The following HS6ST3 variants were observed in gnomAD, a reference collection of about 807,000 sequenced individuals.
HS6ST3 encodes the protein heparan sulfate 6-O-sulfotransferase 3.
A neutral mutation model predicts 36.7 loss-of-function variants in HS6ST3; 12 were observed. The ratio of observed to expected loss-of-function variants is 0.33; its 90% confidence interval spans 0.21 to 0.53. HS6ST3 has a LOEUF of 0.53. HS6ST3 is among the 20% of genes least tolerant of loss of function. The probability of loss-of-function intolerance (pLI) is 0.95; values close to 1 mark genes in which losing one functional copy is unlikely to be tolerated. For synonymous variants in HS6ST3, 240 were observed against 257.5 expected (o/e 0.93, Z 0.65); for missense variants, 584 against 640.9 (o/e 0.91, Z 0.96).
chr13:96,394,032 G>C (rs537211989), intron 1 of HS6ST3, among the ~76,000 whole-genome samples: 1 of 152,106 alleles, frequency 6.6e-6, no homozygotes, highest in African/African-American at 2.4e-5. Context: ...TTTTGATAGG[G>C]TACAATTTTA....
intron 1 of HS6ST3, among the ~76,000 whole-genome samples, chr13:96,521,139 T>C (rs1483375557): frequency 6.6e-6 from 1 of 152,242 alleles, no homozygotes; most frequent in Non-Finnish European, 1.5e-5. Flanking sequence ...TCTGTTTATG[T>C]GATGAATTAT....
At chr13:96,107,304 A>T (rs955290558) in intron 1 of HS6ST3, among the ~76,000 whole-genome samples, 1 of 152,182 alleles carries the variant, frequency 6.6e-6, no homozygotes, top group African/African-American at 2.4e-5. Flanking sequence ...AGTGGAGACT[A>T]TTCCTTGTAT....
At chr13:96,125,356 A>G (rs934449934) in intron 1 of HS6ST3, among the ~76,000 whole-genome samples, 1 of 152,204 alleles carries the variant, frequency 6.6e-6, no homozygotes, top group African/African-American at 2.4e-5. Context: ...AATGAAAAAT[A>G]TACTGGTGTG....
At chr13:96,193,611 CA>C (rs2054299120) in intron 1 of HS6ST3, among the ~76,000 whole-genome samples, 1 of 152,096 alleles carries the variant, frequency 6.6e-6, no homozygotes, top group Non-Finnish European at 1.5e-5. Context: ...ATTATGGGCA[CA>C]CTCTTCAAAA....
intron 1 of HS6ST3, among the ~76,000 whole-genome samples, chr13:96,153,458 C>G (rs2054096604): frequency 1.3e-5 from 2 of 152,240 alleles, no homozygotes; most frequent in Non-Finnish European, 2.9e-5. Flanking sequence ...TGTCTCTTCC[C>G]CCTCTGAGCC....
chr13:96,793,354 C>G (rs567241981), intron 1 of HS6ST3, among the ~76,000 whole-genome samples: 1 of 152,038 alleles, frequency 6.6e-6, no homozygotes, highest in Non-Finnish European at 1.5e-5. Flanking sequence ...GCATCCATTA[C>G]CATTGCTTCC....
chr13:96,196,916 G>A (rs1040480528), intron 1 of HS6ST3, among the ~76,000 whole-genome samples: 2 of 152,222 alleles, frequency 1.3e-5, no homozygotes, highest in African/African-American at 4.8e-5. Context: ...GAGTTAGGAA[G>A]TGCCTTCCTT....
intron 1 of HS6ST3, among the ~76,000 whole-genome samples, chr13:96,308,488 C>G (rs760931373): frequency 6.6e-6 from 1 of 152,062 alleles, no homozygotes; most frequent in Non-Finnish European, 1.5e-5. Flanking sequence ...ACATGGTTTC[C>G]TCTTCTCTGT....
At chr13:96,451,512 G>C (rs1448012450) in intron 1 of HS6ST3, among the ~76,000 whole-genome samples, 3 of 152,174 alleles carry the variant, frequency 2.0e-5, no homozygotes, top group South Asian at 2.1e-4. Context: ...GCGAAATATT[G>C]AAGTTTGAAT....
At chr13:96,263,828 AT>A (rs1256170660) in intron 1 of HS6ST3, among the ~76,000 whole-genome samples, 2 of 152,212 alleles carry the variant, frequency 1.3e-5, no homozygotes. Context: ...TTCCACTCTG[AT>A]TTACAGTGTT....
rs1336949186 is a variant in HS6ST3 at position 96,496,654 on chromosome 13, C to T, written c.708-335836C>T. ...ATGCCAATGAAGAAGCCATCTCAGACATTCCTACCCAGAAGACACTATGTG... is the reference window on the plus strand; with the variant it reads ...ATGCCAATGAAGAAGCCATCTCAGATATTCCTACCCAGAAGACACTATGTG... On this transcript the variant is annotated intron_variant, in intron 1 of 1. Coordinates refer to ENST00000376705, the MANE Select transcript of HS6ST3 (RefSeq NM_153456.4). 2.0e-5 allele frequency among the ~76,000 whole-genome samples: 3 copies of T among 152,182 alleles called. No homozygotes were observed. The East Asian group carries it at 5.8e-4, about 29-fold the overall frequency.
intron 1 of HS6ST3, among the ~76,000 whole-genome samples, chr13:96,730,972 T>C (rs1876136432): frequency 6.6e-6 from 1 of 152,106 alleles, no homozygotes; most frequent in Admixed American, 6.5e-5. Flanking sequence ...GCTCAAGCGA[T>C]CCTCCTGACT....
At chr13:96,620,580 A>G (rs1369810926) in intron 1 of HS6ST3, among the ~76,000 whole-genome samples, 1 of 152,236 alleles carries the variant, frequency 6.6e-6, no homozygotes, top group Non-Finnish European at 1.5e-5. Flanking sequence ...TTTCTTGAAC[A>G]GAGGTCATCA....
chr13:96,730,838 A>T (rs1472160643), intron 1 of HS6ST3, among the ~76,000 whole-genome samples: 1 of 152,060 alleles, frequency 6.6e-6, no homozygotes, highest in East Asian at 1.9e-4. Flanking sequence ...GGCTCAAGCA[A>T]TCCTCCCACC....
intron 1 of HS6ST3, among the ~76,000 whole-genome samples, chr13:96,664,551 A>T (rs895105339): frequency 6.6e-6 from 1 of 151,984 alleles, no homozygotes; most frequent in African/African-American, 2.4e-5. Flanking sequence ...ACCTTCTCCA[A>T]TACTCTACAC....
intron 1 of HS6ST3, among the ~76,000 whole-genome samples, chr13:96,757,498 G>A (rs980941455): frequency 7.2e-5 from 11 of 151,980 alleles, no homozygotes; most frequent in Non-Finnish European, 1.3e-4. Flanking sequence ...TTACATTGTT[G>A]TATTGGCTTG....
intron 1 of HS6ST3, among the ~76,000 whole-genome samples, chr13:96,515,868 A>G (rs2056070296): frequency 6.6e-6 from 1 of 152,128 alleles, no homozygotes; most frequent in African/African-American, 2.4e-5. Context: ...ATAGTCTAAG[A>G]TACTTTATAG....
In HS6ST3 at chr13:96,624,124, C is replaced by T. The variant is rs371078666; in HGVS notation, c.708-208366C>T. Among the ~76,000 whole-genome samples the T allele has an allele frequency of 4.6e-5, 7 of 152,000 alleles. No individual in the cohort carries two copies. In the East Asian group the frequency reaches 9.6e-4, roughly 21 times the overall value. ...ACATAAAATATGTATTATGCACACA[C>T]GTGTTTATGTGTGCATATATACATG... On this transcript the variant is annotated intron_variant, in intron 1 of 1. Transcript: ENST00000376705.
intron 1 of HS6ST3, among the ~76,000 whole-genome samples, chr13:96,580,193 C>CATATATAT (rs3051282): frequency 1.6e-4 from 23 of 140,522 alleles, no homozygotes; most frequent in Admixed American, 4.4e-4. Flanking sequence ...CCCATCCAGA[C>CATATATAT]ATATATATAT....
Sources: allele counts gnomAD v4.1 joint callset (sites outside exome capture counted in the v4.1 genomes callset), GRCh38; gene constraint gnomAD v4.1.1; transcripts MANE v1.5; gene names NCBI Gene and HGNC (gene_info 2026-07-23, HGNC 2026-07-21).